The following NBN variants were observed in gnomAD, a reference collection of about 807,000 sequenced individuals.
The protein encoded by NBN is nibrin.
Under a neutral mutation model 90.8 loss-of-function variants are expected in NBN, and 88 were observed. The ratio of observed to expected loss-of-function variants is 0.97; its 90% CI spans 0.82 to 1.16. The LOEUF is 1.16. Among genes scored for constraint, NBN ranks in the 50% most tolerant of loss-of-function variants. The pLI is 0.00. For missense variants in NBN, 894 were observed against 869.6 expected, an observed-to-expected ratio of 1.03 and a Z score of -0.35; for synonymous variants, 328 against 295.1, an observed-to-expected ratio of 1.11 and a Z score of -1.14.
intron 11 of NBN, 62 bp downstream of exon 11, chr8:89,953,182 A>G (rs552585932): frequency 8.1e-7 from 1 of 1,237,122 alleles, no homozygotes; most frequent in African/African-American, 1.5e-5. Context: ...TACAAAATCG[A>G]AAGTACCTGT....
rs779543740 is a variant in NBN, at chr8:89,984,538, C to T, written c.24G>A (p.Ala8=). 7 of 1,613,072 alleles carry T rather than the reference C, an allele frequency of 4.3e-6. No individual in the cohort carries two copies. The African/African-American group carries it at 6.7e-5, about 15-fold the overall frequency. The change falls in exon 1 of 16, where the codon GCG becomes GCA. Residue 8 remains alanine, a synonymous_variant. Transcript: ENST00000265433. The part of the protein sequence containing the change: MWKLLPA[A]GPAGGEPYRL... Reference sequence around the variant, plus strand: ...TTCTGCCCTTACCTCCTGCCGGGCCCGCGGCGGGCAGCAGTTTCCACATCG... The same window carrying T: ...TTCTGCCCTTACCTCCTGCCGGGCCTGCGGCGGGCAGCAGTTTCCACATCG...
At chr8:89,984,272 A>G in intron 1 of NBN, 1 of 582,750 alleles carries the variant, frequency 1.7e-6, no homozygotes, top group Non-Finnish European at 3.1e-6. Context: ...AGGGGGAGTC[A>G]GGGGAGGGGC....
chr8:89,955,909 C>T (rs937895411), intron 9 of NBN, among the ~76,000 whole-genome samples: 5 of 151,754 alleles, frequency 3.3e-5, no homozygotes, highest in African/African-American at 4.8e-5. Context: ...ATTATTCCCA[C>T]GTAAAATCAC....
chr8:89,979,155 T>A (rs1811925256), intron 4 of NBN, among the ~76,000 whole-genome samples: 1 of 152,044 alleles, frequency 6.6e-6, no homozygotes, highest in South Asian at 2.1e-4. Flanking sequence ...TTTTTAAAAT[T>A]TTTTGTAGAG....
intron 4 of NBN, among the ~76,000 whole-genome samples, chr8:89,979,010 C>T (rs1811915353): frequency 2.6e-5 from 4 of 152,166 alleles, no homozygotes; most frequent in African/African-American, 7.2e-5. Context: ...CAGGGTCTCG[C>T]TCTGTTGTCC....
chr8:89,953,300 T>A lies in NBN; in HGVS notation c.1789A>T (p.Ile597Leu), dbSNP rs864622167. 1 of 1,613,254 alleles carries A rather than the reference T, an allele frequency of 6.2e-7. No individual in the cohort carries two copies. Residue 597 changes from isoleucine to leucine, a missense_variant, in exon 11 of 16, where the codon ATA (isoleucine) becomes TTA (leucine). By Grantham distance (5) the Ile-to-Leu change is conservative. Coordinates refer to ENST00000265433, the MANE Select transcript of NBN (RefSeq NM_002485.5). ...VNVRKRPRMDIETNDTFSDEA... is the reference protein window; with the variant it reads ...VNVRKRPRMDLETNDTFSDEA... ...TCACTGAAAGTGTCATTTGTTTCTATATCCATCCTTGGCCTTTTTCTAACA... is the reference window on the plus strand; with the variant it reads ...TCACTGAAAGTGTCATTTGTTTCTAAATCCATCCTTGGCCTTTTTCTAACA...
chr8:89,960,266 C>T (rs1455916070), intron 8 of NBN, among the ~76,000 whole-genome samples: 1 of 152,186 alleles, frequency 6.6e-6, no homozygotes, highest in Non-Finnish European at 1.5e-5. Flanking sequence ...AGCTCACTGG[C>T]ATTTCCTTTA....
chr8:89,980,528 G>C (rs1416853881), intron 4 of NBN, among the ~76,000 whole-genome samples: 1 of 151,908 alleles, frequency 6.6e-6, no homozygotes, highest in Admixed American at 6.6e-5. Context: ...AATTTTAGTT[G>C]CTTTTGGCTT....
At chr8:89,950,776 G>T (rs555166187) in intron 11 of NBN, among the ~76,000 whole-genome samples, 51 of 152,212 alleles carry the variant, frequency 3.4e-4, no homozygotes, top group South Asian at 6.2e-4. Context: ...AAGACTGTTT[G>T]ATGGCTCCCA....
rs757452107 is a variant in NBN at position 89,955,379 on chromosome 8, G to T, written c.1301C>A (p.Thr434Asn). 1 of 1,613,724 alleles carries T rather than the reference G, an allele frequency of 6.2e-7. No homozygotes were observed. The highest frequency in any genetic ancestry group is 8.5e-7 in the Non-Finnish European group (1 of 1,179,724). ...MRIPNYQLSP[T>N]KLPSINKSKD... ...ACTTTTATTTATACTTGGCAATTTA[G>T]TTGGTGAAAGCTGATAGTTTGGGAT... is the stretch of plus-strand genomic sequence containing the variant. The change falls in exon 10 of 16, where the codon ACT (threonine) becomes AAT (asparagine). Residue 434 changes from threonine (T) to asparagine (N), a missense_variant. Coordinates refer to ENST00000265433, the MANE Select transcript of NBN (RefSeq NM_002485.5).
rs1811146292 is a variant in NBN at position 89,964,451 on chromosome 8, G to A, written c.953C>T (p.Thr318Ile). Residue 318 changes from threonine (T) to isoleucine (I), a missense_variant, in exon 8 of 16, where the codon ACT (threonine) becomes ATT (isoleucine). Transcript: ENST00000265433. ...CTGAGGATCACAGTAATTCTTTGTAGTCATGAAAATCACCGCCAATCCAAT... is the reference window on the plus strand; with the variant it reads ...CTGAGGATCACAGTAATTCTTTGTAATCATGAAAATCACCGCCAATCCAAT... ...AEIGLAVIFM[T>I]TKNYCDPQGH... 1.2e-6 allele frequency: 2 copies of A among 1,613,634 alleles called. No homozygotes were observed. Among genetic ancestry groups the A allele is most frequent in the African/African-American group, 1.3e-5 (1 of 75,036 alleles).
chr8:89,958,997 C>A, intron 8 of NBN, 143 bp from the exon 9 acceptor site: 1 of 1,073,422 alleles, frequency 9.3e-7, no homozygotes, highest in Non-Finnish European at 1.4e-6. Context: ...TGAGTGGTAC[C>A]AACAAACACA....
Position 89,957,672 on chromosome 8 carries a change from T to C in NBN, c.1124+1053A>G, listed in dbSNP as rs527711892. Among the ~76,000 whole-genome samples the C allele has an allele frequency of 1.1e-4, 16 of 152,300 alleles. No homozygotes were observed. In the South Asian group the frequency reaches 2.7e-3, roughly 26 times the overall value. ...CAGGTATACCATTTTTTATCTTTTA[T>C]ACAATATTTTTTCTGTACCTTTTCT... On this transcript the variant is annotated intron_variant, in intron 9 of 15. Coordinates refer to ENST00000265433, the MANE Select transcript of NBN (RefSeq NM_002485.5).
rs142334798 is a variant in NBN at position 89,953,369 on chromosome 8, A to T, written c.1720T>A (p.Leu574Ile). The T allele has an allele frequency of 8.7e-4, 1,404 of 1,613,254 alleles. 3 individuals are homozygous for T. The highest frequency in any genetic ancestry group is 1.0e-3 in the Non-Finnish European group (1,216 of 1,179,648). The change falls in exon 11 of 16, where the codon TTA (leucine) becomes ATA (isoleucine). Residue 574 changes from leucine to isoleucine, a missense_variant. Leu to Ile is a conservative substitution (Grantham distance 5). Transcript: ENST00000265433. ...TTTTGAACTTTCACATCAATTTCTAACTCTGGTTTTGTGTCCTTGAATAAC... is the reference window on the plus strand; with the variant it reads ...TTTTGAACTTTCACATCAATTTCTATCTCTGGTTTTGTGTCCTTGAATAAC... Reference protein sequence around the residue: ...EQLFKDTKPELEIDVKVQKQE... With the variant: ...EQLFKDTKPEIEIDVKVQKQE...
chr8:89,965,015 G>A (rs1563550121), intron 7 of NBN, among the ~76,000 whole-genome samples: 1 of 152,106 alleles, frequency 6.6e-6, no homozygotes, highest in Non-Finnish European at 1.5e-5. Flanking sequence ...TCAAAAGGCT[G>A]AGGCAAGAGA....
rs542771529 is a variant in NBN at position 89,958,281 on chromosome 8, G to A, written c.1124+444C>T. 2.6e-5 allele frequency among the ~76,000 whole-genome samples: 4 copies of A among 152,290 alleles called. No individual in the cohort carries two copies. In the East Asian group the frequency reaches 5.8e-4, roughly 22 times the overall value. On this transcript the variant is annotated intron_variant, in intron 9 of 15. Coordinates refer to ENST00000265433, the MANE Select transcript of NBN (RefSeq NM_002485.5). ...TCCTAACAGGTGATGGACTGATACCGTGGCTGAGAGATAAGGAACCCCTGG... is the reference window on the plus strand; with the variant it reads ...TCCTAACAGGTGATGGACTGATACCATGGCTGAGAGATAAGGAACCCCTGG...
At position 89,981,429 on chromosome 8, in the gene NBN, C is replaced by T. The variant is rs747315554; in HGVS notation, c.266G>A (p.Arg89Gln). The T allele has an allele frequency of 9.9e-6, 16 of 1,613,884 alleles. No individual in the cohort carries two copies. The highest frequency in any genetic ancestry group is 1.3e-5 in the African/African-American group (1 of 74,900). Residue 89 changes from arginine (R) to glutamine (Q), a missense_variant, in exon 3 of 16, where the codon CGA becomes CAA. Arg to Gln is a conservative substitution (Grantham distance 43). Coordinates refer to ENST00000265433, the MANE Select transcript of NBN (RefSeq NM_002485.5). ...AATACCATCCCCCGACTTCAAAGTT[C>T]GGGAAAAGCCATTCTGCATTTTTTC... ...NEEKMQNGFSRTLKSGDGITF... is the reference protein window; with the variant it reads ...NEEKMQNGFSQTLKSGDGITF...
At chr8:89,982,412 T>G (rs995917294) in intron 2 of NBN, 4 of 394,116 alleles carry the variant, frequency 1.0e-5, no homozygotes, top group African/African-American at 6.1e-5. Flanking sequence ...GCAATTACTT[T>G]TGCACCAAAC....
In NBN at chr8:89,935,501, C is replaced by T. The variant is rs774084218; in HGVS notation, c.*81G>A. 7.1e-6 allele frequency: 11 copies of T among 1,542,950 alleles called. No individual in the cohort carries two copies. The highest frequency in any genetic ancestry group is 9.8e-6 in the Non-Finnish European group (11 of 1,119,006). On this transcript the variant is annotated 3_prime_UTR_variant, in exon 16 of 16. Coordinates refer to ENST00000265433, the MANE Select transcript of NBN (RefSeq NM_002485.5). ...TTGTAACTTAAATCGCTTCTATACA[C>T]TATATATTCATATAACCTTGTTGGC...
Sources: gnomAD v4.1 joint callset for allele counts (sites outside exome capture counted in the v4.1 genomes callset) on GRCh38, gnomAD v4.1.1 for gene constraint, MANE v1.5 for transcripts, NCBI Gene and HGNC (gene_info 2026-07-23, HGNC 2026-07-21) for gene names.